Variants in AKAP6 observed in about 807,000 individuals in gnomAD.
AKAP6 encodes A-kinase anchor protein 6.
Under a neutral mutation model 188.5 loss-of-function variants are expected in AKAP6, and 58 were observed. The ratio of observed to expected loss-of-function variants is 0.31; its 90% CI spans 0.25 to 0.38. The LOEUF is 0.38. Ranked by LOEUF, AKAP6 falls within the 10% of genes least tolerant of loss-of-function variation. The pLI is 1.00. For synonymous variants in AKAP6, 989 were observed against 998.6 expected (o/e 0.99, Z 0.18); for missense variants, 2,710 against 2,740.0 (o/e 0.99, Z 0.24).
At chr14:32,727,634 C>T (rs2030937656) in intron 9 of AKAP6, among the ~76,000 whole-genome samples, 1 of 152,140 alleles carries the variant, frequency 6.6e-6, no homozygotes, top group Non-Finnish European at 1.5e-5. Context: ...CAATTCTTAA[C>T]CTCAGGTGTC....
chr14:32,404,691 G>GATAGAGAT, intron 1 of AKAP6, among the ~76,000 whole-genome samples: 1 of 44,438 alleles, frequency 2.3e-5, no homozygotes, highest in Non-Finnish European at 4.6e-5. Flanking sequence ...GGAGTCAGGA[G>GATAGAGAT]ATATATATAT....
chr14:32,514,638 A>G (rs1191185080), intron 2 of AKAP6, among the ~76,000 whole-genome samples: 1 of 152,248 alleles, frequency 6.6e-6, no homozygotes, highest in Non-Finnish European at 1.5e-5. Flanking sequence ...GAGTTACTAG[A>G]AATTTACATC....
intron 7 of AKAP6, among the ~76,000 whole-genome samples, chr14:32,653,110 T>C (rs143268971): frequency 5.5e-4 from 83 of 152,200 alleles, no homozygotes; most frequent in Middle Eastern, 3.4e-3. Flanking sequence ...AGGGACAACT[T>C]TGCATGTCAT....
chr14:32,758,142 G>A (rs2032408187), intron 11 of AKAP6, among the ~76,000 whole-genome samples: 1 of 152,144 alleles, frequency 6.6e-6, no homozygotes, highest in Non-Finnish European at 1.5e-5. Context: ...TACTCAAGAA[G>A]TGCTTAGAAG....
chr14:32,469,208 G>T (rs188112406), intron 2 of AKAP6, among the ~76,000 whole-genome samples: 15 of 152,332 alleles, frequency 9.8e-5, no homozygotes, highest in Admixed American at 9.2e-4. Flanking sequence ...TTGCTTTGAA[G>T]AAGTCCTGTG....
At chr14:32,622,869 A>G (rs1036183142) in intron 7 of AKAP6, among the ~76,000 whole-genome samples, 5 of 152,196 alleles carry the variant, frequency 3.3e-5, no homozygotes, top group East Asian at 1.9e-4. Flanking sequence ...CTGAGTTTAC[A>G]ACAGGAAGCA....
chr14:32,398,178 T>A (rs1213401423), intron 1 of AKAP6, among the ~76,000 whole-genome samples: 1 of 152,202 alleles, frequency 6.6e-6, no homozygotes, highest in African/African-American at 2.4e-5. Context: ...TAATTGGTAT[T>A]GTGCAAGGGC....
intron 12 of AKAP6, among the ~76,000 whole-genome samples, chr14:32,805,370 A>G (rs1230267781): frequency 6.6e-6 from 1 of 152,194 alleles, no homozygotes; most frequent in African/African-American, 2.4e-5. Flanking sequence ...GCCATGTACC[A>G]TGATTCATTT....
chr14:32,675,496 TA>T (rs1204677332), intron 7 of AKAP6, among the ~76,000 whole-genome samples: 1 of 152,228 alleles, frequency 6.6e-6, no homozygotes, highest in African/African-American at 2.4e-5. Context: ...CTCTTTCTCT[TA>T]AAAATTTATC....
intron 11 of AKAP6, among the ~76,000 whole-genome samples, chr14:32,770,659 A>G (rs1246362764): frequency 6.6e-6 from 1 of 152,170 alleles, no homozygotes; most frequent in Non-Finnish European, 1.5e-5. Context: ...TGTAACCACC[A>G]CCACCCATCT....
rs2034887905 is a variant in AKAP6 at position 32,837,630 on chromosome 14, T to C, written c.*7825T>C. ...TTTCATTTTAAAGTGTCTTTTTATA[T>C]AGAAAGCCAAGTTGGTGGAATTTAT... On this transcript the variant is annotated 3_prime_UTR_variant, in exon 14 of 14. Transcript: ENST00000280979. 6.6e-6 allele frequency: 1 copy of C among 152,236 alleles called. No homozygotes were observed. Among genetic ancestry groups the C allele is most frequent in the Non-Finnish European group, 1.5e-5 (1 of 68,042 alleles). 9.4% of individuals were successfully genotyped at this position (152,236 alleles called of 1,614,324 possible). A position where few individuals can be genotyped will look rare whatever the true frequency, so the allele number is the denominator to read the frequency against.
intron 2 of AKAP6, among the ~76,000 whole-genome samples, chr14:32,512,796 TA>T: frequency 6.6e-6 from 1 of 152,284 alleles, no homozygotes; most frequent in East Asian, 1.9e-4. Flanking sequence ...AACTCAGACA[TA>T]AGCTGGATTC....
At chr14:32,770,081 A>G (rs1275083078) in intron 11 of AKAP6, among the ~76,000 whole-genome samples, 1 of 152,202 alleles carries the variant, frequency 6.6e-6, no homozygotes, top group African/African-American at 2.4e-5. Context: ...GAAAAGAGTG[A>G]CAGAGGAAGT....
chr14:32,679,284 G>A (rs998689499), intron 8 of AKAP6, among the ~76,000 whole-genome samples: 1 of 152,034 alleles, frequency 6.6e-6, no homozygotes, highest in African/African-American at 2.4e-5. Flanking sequence ...GAGTAAAAGG[G>A]TAGTGATGAA....
At chr14:32,599,863 G>A (rs1477454458) in intron 6 of AKAP6, among the ~76,000 whole-genome samples, 3 of 152,084 alleles carry the variant, frequency 2.0e-5, no homozygotes, top group African/African-American at 4.8e-5. Flanking sequence ...TAATGCATAC[G>A]CATTAGGGTA....
At chr14:32,806,167 G>A (rs1050978479) in intron 12 of AKAP6, among the ~76,000 whole-genome samples, 2 of 152,190 alleles carry the variant, frequency 1.3e-5, no homozygotes, top group African/African-American at 4.8e-5. Flanking sequence ...TCTGGGATTT[G>A]CCTACACAGA....
At chr14:32,536,083 T>C (rs1365540604) in intron 3 of AKAP6, among the ~76,000 whole-genome samples, 1 of 152,228 alleles carries the variant, frequency 6.6e-6, no homozygotes. Context: ...AATAAATATG[T>C]ATTGAGTACT....
rs541805268 is a variant in AKAP6, at chr14:32,547,018, C to T, written c.2346+19C>T. ...AATAGAGGTAAGGTGGTTTTCTTAA[C>T]ATGAATGATTTCTCACTTGAGTTTT... On this transcript the variant is annotated intron_variant, in intron 4 of 13. Transcript: ENST00000280979. The T allele has an allele frequency of 4.1e-5, 65 of 1,567,544 alleles. No homozygotes were observed. Among genetic ancestry groups the T allele is most frequent in the Admixed American group, 5.4e-5 (3 of 55,412 alleles).
chr14:32,823,087 C>G lies in AKAP6; in HGVS notation c.5274C>G (p.Ser1758Arg). ...DDEDDSDLLS[S>R]STLTLTEEEL... is the part of the protein sequence containing the mutation. ...AAGATGACAGCGACCTGCTCTCCAG[C>G]TCTACCCTTACCTTGACTGAAGAAG... Residue 1758 changes from serine (S) to arginine (R), a missense_variant, in exon 13 of 14, where the codon AGC becomes AGG. Physicochemically the swap from Ser to Arg is moderately radical, Grantham distance 110. Transcript: ENST00000280979. The G allele has an allele frequency of 6.2e-7, 1 of 1,613,794 alleles. No individual in the cohort carries two copies. Among genetic ancestry groups the G allele is most frequent in the Non-Finnish European group, 8.5e-7 (1 of 1,179,886 alleles).
Sources: allele counts gnomAD v4.1 joint callset (sites outside exome capture counted in the v4.1 genomes callset), GRCh38; gene constraint gnomAD v4.1.1; transcripts MANE v1.5; gene names NCBI Gene and HGNC (gene_info 2026-07-23, HGNC 2026-07-21).